The following PDZRN4 variants were observed in gnomAD, a reference collection of about 807,000 sequenced individuals.
The protein encoded by PDZRN4 is PDZ domain containing ring finger 4.
In PDZRN4, 70 loss-of-function variants were observed where a neutral mutation model predicts 99.0. The ratio of observed to expected loss-of-function variants is 0.71; its 90% CI spans 0.58 to 0.86. The LOEUF (loss-of-function observed/expected upper bound fraction) is 0.86, where lower values mean the gene tolerates loss of function less well. Ranked by LOEUF, PDZRN4 falls within the 40% of genes least tolerant of loss-of-function variation. The pLI is 0.00. For missense variants in PDZRN4, 1,474 were observed against 1,331.2 expected (o/e 1.11, Z -1.67); for synonymous variants, 551 against 501.6 (o/e 1.10, Z -1.32).
intron 3 of PDZRN4, among the ~76,000 whole-genome samples, chr12:41,303,119 G>T (rs1038180160): frequency 8.6e-5 from 13 of 152,038 alleles, no homozygotes; most frequent in Admixed American, 7.9e-4. Flanking sequence ...AGAAGCACAT[G>T]ATCTCATGGC....
At chr12:41,268,104 T>C (rs2120851186) in intron 3 of PDZRN4, among the ~76,000 whole-genome samples, 1 of 149,376 alleles carries the variant, frequency 6.7e-6, no homozygotes, top group South Asian at 2.1e-4. Context: ...CTGCGACAGA[T>C]ACAAAAGAGG....
At chr12:41,190,863 A>T (rs1160819318) in intron 1 of PDZRN4, among the ~76,000 whole-genome samples, 1 of 152,210 alleles carries the variant, frequency 6.6e-6, no homozygotes, top group African/African-American at 2.4e-5. Context: ...AAAAATACAT[A>T]CTACTTTACC....
Position 41,317,048 on chromosome 12 carries a change from G to GTATACATACATA in PDZRN4, c.843+122864_843+122865insCATACATATATA, listed in dbSNP as rs374645706. Among the ~76,000 whole-genome samples the GTATACATACATA allele has an allele frequency of 6.6e-4, 46 of 69,588 alleles. 4 individuals are homozygous for GTATACATACATA. Among genetic ancestry groups the GTATACATACATA allele is most frequent in the East Asian group, 2.5e-3 (6 of 2,424 alleles). The allele number at this position is 69,588 out of a possible 152,430, so 45.7% of individuals were successfully genotyped here. On this transcript the variant is annotated intron_variant, in intron 3 of 9. Transcript: ENST00000402685. ...TCCAGAGAATCATAACTTACATAAA[G>GTATACATACATA]TATATATATATATATATATATATAT...
intron 3 of PDZRN4, among the ~76,000 whole-genome samples, chr12:41,480,680 A>C (rs917647784): frequency 4.6e-5 from 7 of 152,148 alleles, no homozygotes; most frequent in Non-Finnish European, 1.0e-4. Context: ...ATTTTCATAT[A>C]AATATTTTAT....
intron 6 of PDZRN4, among the ~76,000 whole-genome samples, chr12:41,553,542 T>C (rs896192888): frequency 2.1e-5 from 3 of 143,950 alleles, no homozygotes; most frequent in African/African-American, 7.8e-5. Flanking sequence ...AAAAAAAAAA[T>C]ATTTAGTCAG....
At chr12:41,331,712 A>G (rs372873630) in intron 3 of PDZRN4, among the ~76,000 whole-genome samples, 68 of 152,262 alleles carry the variant, frequency 4.5e-4, no homozygotes, top group East Asian at 2.7e-3. Flanking sequence ...ACAGTTCCAT[A>G]TAGCTGGGGA....
At chr12:41,402,173 C>G (rs1392031478) in intron 3 of PDZRN4, among the ~76,000 whole-genome samples, 17 of 102,070 alleles carry the variant, frequency 1.7e-4, no homozygotes, top group African/African-American at 7.5e-4. Context: ...TATATACACA[C>G]TGAGTATATA....
intron 3 of PDZRN4, among the ~76,000 whole-genome samples, chr12:41,343,004 A>G (rs972746434): frequency 6.6e-6 from 1 of 151,998 alleles, no homozygotes; most frequent in African/African-American, 2.4e-5. Context: ...TAGATAAAGA[A>G]TATGTGGTTT....
In PDZRN4 at chr12:41,407,481, A is replaced by AT. The variant is rs1412869315; in HGVS notation, c.844-98972dup. Among the ~76,000 whole-genome samples, 4 of 152,270 alleles carry AT rather than the reference A, an allele frequency of 2.6e-5. No individual in the cohort carries two copies. In the East Asian group the frequency reaches 7.7e-4, roughly 29 times the overall value. Reference sequence around the variant, plus strand: ...ACACTCTATCATCTGTCATTCAATAATTTCATGTTCATAATAACTAGGAAA... The same window carrying AT: ...ACACTCTATCATCTGTCATTCAATAATTTTCATGTTCATAATAACTAGGAAA... On this transcript the variant is annotated intron_variant, in intron 3 of 9. Coordinates refer to ENST00000402685, the MANE Select transcript of PDZRN4 (RefSeq NM_001164595.2).
intron 3 of PDZRN4, among the ~76,000 whole-genome samples, chr12:41,334,691 G>C (rs1308282378): frequency 6.6e-6 from 1 of 152,158 alleles, no homozygotes; most frequent in Non-Finnish European, 1.5e-5. Context: ...TAGGTAACTA[G>C]ACTAACTGGG....
Position 41,232,217 on chromosome 12 carries a change from T to C in PDZRN4, c.843+38029T>C, listed in dbSNP as rs1182126099. ...AGATTCCTAAGTTTTAATGAAATGC[T>C]GTCTTCATATACTGTTGCGGAATAT... On this transcript the variant is annotated intron_variant, in intron 3 of 9. Coordinates refer to ENST00000402685, the MANE Select transcript of PDZRN4 (RefSeq NM_001164595.2). Among the ~76,000 whole-genome samples the C allele has an allele frequency of 3.9e-5, 6 of 152,094 alleles. No individual in the cohort carries two copies. The South Asian group carries it at 1.0e-3, about 26-fold the overall frequency.
intron 3 of PDZRN4, among the ~76,000 whole-genome samples, chr12:41,467,274 T>TGGCCCAGAAAAA (rs1456396855): frequency 4.4e-4 from 67 of 152,296 alleles, no homozygotes; most frequent in African/African-American, 1.5e-3. Context: ...AAAAATTTGT[T>TGGCCCAGAAAAA]TAATAGTATT....
chr12:41,428,149 C>T lies in PDZRN4; in HGVS notation c.844-78307C>T, dbSNP rs184986832. On this transcript the variant is annotated intron_variant, in intron 3 of 9. Coordinates refer to ENST00000402685, the MANE Select transcript of PDZRN4 (RefSeq NM_001164595.2). ...CTTTACTTCCTATCCCACTACCTGC[C>T]TACTTTTTTTGATTTATCTGTACTT... Among the ~76,000 whole-genome samples, 18 of 152,176 alleles carry T rather than the reference C, an allele frequency of 1.2e-4. No homozygotes were observed. In the East Asian group the frequency reaches 3.1e-3, roughly 26 times the overall value.
intron 3 of PDZRN4, among the ~76,000 whole-genome samples, chr12:41,303,117 A>G (rs534562629): frequency 4.6e-5 from 7 of 152,100 alleles, no homozygotes; most frequent in Non-Finnish European, 8.8e-5. Flanking sequence ...CTAGAAGCAC[A>G]TGATCTCATG....
intron 3 of PDZRN4, among the ~76,000 whole-genome samples, chr12:41,366,844 A>G (rs1952004099): frequency 6.6e-6 from 1 of 152,114 alleles, no homozygotes. Flanking sequence ...TGCGAATTGC[A>G]TTTTAATTGA....
At chr12:41,461,074 C>G (rs776258681) in intron 3 of PDZRN4, among the ~76,000 whole-genome samples, 1 of 152,126 alleles carries the variant, frequency 6.6e-6, no homozygotes, top group Non-Finnish European at 1.5e-5. Context: ...TTCCCTGGGC[C>G]TTGGGCTTTA....
At chr12:41,319,623 C>A (rs1452646746) in intron 3 of PDZRN4, among the ~76,000 whole-genome samples, 1 of 152,146 alleles carries the variant, frequency 6.6e-6, no homozygotes, top group Admixed American at 6.5e-5. Flanking sequence ...AGCACACAGG[C>A]CCTCTCATGA....
chr12:41,203,104 A>G (rs1950827924), intron 3 of PDZRN4, among the ~76,000 whole-genome samples: 1 of 152,148 alleles, frequency 6.6e-6, no homozygotes, highest in African/African-American at 2.4e-5. Flanking sequence ...ATAAACACAT[A>G]TTTAAATGAT....
intron 3 of PDZRN4, among the ~76,000 whole-genome samples, chr12:41,399,658 C>T (rs566689044): frequency 6.6e-6 from 1 of 151,880 alleles, no homozygotes; most frequent in African/African-American, 2.4e-5. Flanking sequence ...ATTGGTTGAA[C>T]CCAGGGGGCA....
Sources: gnomAD v4.1 joint callset for allele counts (sites outside exome capture counted in the v4.1 genomes callset) on GRCh38, gnomAD v4.1.1 for gene constraint, MANE v1.5 for transcripts, NCBI Gene and HGNC (gene_info 2026-07-23, HGNC 2026-07-21) for gene names.